FOXP2: variants seen among roughly 807,000 people sequenced by gnomAD.
FOXP2 encodes forkhead box protein P2.
A neutral mutation model predicts 115.8 loss-of-function variants in FOXP2; 12 were observed. The observed-to-expected ratio is 0.10, with a 90% CI of 0.07 to 0.17. The LOEUF is 0.17. FOXP2 is among the 10% of genes least tolerant of loss of function. The pLI is 1.00. For synonymous variants in FOXP2, 328 were observed against 297.7 expected (o/e 1.10, Z -1.05); for missense variants, 629 against 843.5 (o/e 0.75, Z 3.15).
chr7:114,098,853 C>T (rs745934546), intron 1 of FOXP2, among the ~76,000 whole-genome samples: 1 of 152,164 alleles, frequency 6.6e-6, no homozygotes, highest in East Asian at 1.9e-4. Context: ...ACTCATATAA[C>T]TAGGCCAGGC....
At chr7:114,086,879 G>T (rs1413265716), upstream of FOXP2, among the ~76,000 whole-genome samples, 1 of 152,240 alleles carries the variant, frequency 6.6e-6, no homozygotes, top group Admixed American at 6.5e-5. Context: ...GGAAAAAGGG[G>T]TGGAGAGGGG....
At chr7:114,412,152 C>G (rs1385674463), upstream of FOXP2, among the ~76,000 whole-genome samples, 1 of 152,102 alleles carries the variant, frequency 6.6e-6, no homozygotes. Flanking sequence ...GAAAACACCA[C>G]AGTCTGGTTA....
At chr7:114,386,680 C>A (rs984826389) in intron 2 of FOXP2, among the ~76,000 whole-genome samples, 3 of 152,064 alleles carry the variant, frequency 2.0e-5, no homozygotes, top group Non-Finnish European at 4.4e-5. Context: ...AAGGTTAATC[C>A]CAAGAAGCAG....
chr7:114,389,250 A>G (rs911062465), intron 2 of FOXP2, among the ~76,000 whole-genome samples: 1 of 152,214 alleles, frequency 6.6e-6, no homozygotes, highest in Non-Finnish European at 1.5e-5. Flanking sequence ...CCAAGACAAT[A>G]TGACACATTG....
intron 2 of FOXP2, among the ~76,000 whole-genome samples, chr7:114,515,321 T>G (rs1584834590): frequency 6.6e-6 from 1 of 151,632 alleles, no homozygotes; most frequent in Non-Finnish European, 1.5e-5. Context: ...TGAACTAGTT[T>G]ACAGTCCCAC....
intron 5 of FOXP2, among the ~76,000 whole-genome samples, 163 bp downstream of exon 5, chr7:114,630,168 C>A (rs1804823934): frequency 6.6e-6 from 1 of 152,152 alleles, no homozygotes; most frequent in African/African-American, 2.4e-5. Flanking sequence ...CTCTCAGGCT[C>A]TCCTTTTTTG....
chr7:114,236,546 C>G (rs1172424548), intron 1 of FOXP2, among the ~76,000 whole-genome samples: 1 of 152,144 alleles, frequency 6.6e-6, no homozygotes, highest in Non-Finnish European at 1.5e-5. Flanking sequence ...CCAAGTCCTT[C>G]CACAGGTATT....
At position 114,449,686 on chromosome 7, in the gene FOXP2, A is replaced by G. The variant is rs117787201; in HGVS notation, c.168+23007A>G. Among the ~76,000 whole-genome samples the G allele has an allele frequency of 7.5e-3, 1,136 of 152,216 alleles. 8 individuals are homozygous for G. In the Middle Eastern group the frequency reaches 0.088, roughly 12 times the overall value. ...TTTTAGTCCCTACTTTGCCAATGAT[A>G]TAAGTAATTCACTTCAGCTACCTAG... On this transcript the variant is annotated intron_variant, in intron 2 of 16. Coordinates refer to ENST00000350908, the MANE Select transcript of FOXP2 (RefSeq NM_014491.4).
chr7:114,111,642 C>T (rs1435299166), intron 1 of FOXP2, among the ~76,000 whole-genome samples: 1 of 151,972 alleles, frequency 6.6e-6, no homozygotes. Context: ...ATCTATGAAA[C>T]ACTGTTTCTG....
chr7:114,421,047 C>G (rs1440007688), intron 1 of FOXP2, among the ~76,000 whole-genome samples: 1 of 151,442 alleles, frequency 6.6e-6, no homozygotes, highest in African/African-American at 2.4e-5. Context: ...ATTATAAAAT[C>G]TCTTTCAATT....
At chr7:114,501,312 T>C (rs1251846019) in intron 2 of FOXP2, among the ~76,000 whole-genome samples, 1 of 152,184 alleles carries the variant, frequency 6.6e-6, no homozygotes, top group Admixed American at 6.5e-5. Flanking sequence ...GGTTCAATTT[T>C]ATTATTTTTG....
intron 3 of FOXP2, among the ~76,000 whole-genome samples, chr7:114,585,457 T>A (rs1802085957): frequency 6.6e-6 from 1 of 151,984 alleles, no homozygotes; most frequent in East Asian, 1.9e-4. Flanking sequence ...AAATGTAGAA[T>A]CTCAGTGGGG....
At chr7:114,629,449 T>C in intron 4 of FOXP2, 1 of 709,840 alleles carries the variant, frequency 1.4e-6, no homozygotes, top group Non-Finnish European at 2.3e-6. Context: ...CAACCTGATT[T>C]TATGTAGCTA....
chr7:114,317,181 C>A (rs1562868118), intron 2 of FOXP2, among the ~76,000 whole-genome samples: 1 of 152,154 alleles, frequency 6.6e-6, no homozygotes, highest in East Asian at 1.9e-4. Context: ...TTCTGGGTAC[C>A]TAGTGAGATT....
chr7:114,261,480 GAT>G (rs1269710502), intron 1 of FOXP2, among the ~76,000 whole-genome samples: 3 of 152,040 alleles, frequency 2.0e-5, no homozygotes, highest in Non-Finnish European at 4.4e-5. Context: ...AAAGTACGAG[GAT>G]TTTAAACATT....
intron 2 of FOXP2, among the ~76,000 whole-genome samples, chr7:114,378,977 T>G (rs1676710731): frequency 6.6e-6 from 1 of 152,044 alleles, no homozygotes; most frequent in Non-Finnish European, 1.5e-5. Context: ...TTAAGGTTTC[T>G]TAAAGGTTTC....
chr7:114,498,903 C>T, intron 2 of FOXP2: 1 of 717,918 alleles, frequency 1.4e-6, no homozygotes, highest in South Asian at 1.5e-5. Flanking sequence ...TCTCTTACAC[C>T]CAGGTTATTT....
intron 2 of FOXP2, among the ~76,000 whole-genome samples, chr7:114,461,843 T>C (rs1444514797): frequency 1.3e-5 from 2 of 152,048 alleles, no homozygotes; most frequent in South Asian, 2.1e-4. Context: ...CTTTCCCCAC[T>C]CTCTTTTATT....
upstream of FOXP2, among the ~76,000 whole-genome samples, chr7:114,414,009 G>A (rs1002471331): frequency 6.6e-5 from 10 of 152,182 alleles, no homozygotes; most frequent in East Asian, 1.9e-4. Flanking sequence ...AGACAGTGTC[G>A]TTCCTGTCTT....
Sources: gnomAD v4.1 joint callset for allele counts (sites outside exome capture counted in the v4.1 genomes callset) on GRCh38, gnomAD v4.1.1 for gene constraint, MANE v1.5 for transcripts, NCBI Gene and HGNC (gene_info 2026-07-23, HGNC 2026-07-21) for gene names.